Variants in ANKRD30BL observed in about 807,000 individuals in gnomAD.
The protein encoded by ANKRD30BL is putative ankyrin repeat domain-containing protein 30B-like.
ANKRD30BL carries 20 observed loss-of-function variants against 18.4 expected under a neutral mutation model. The ratio of observed to expected loss-of-function variants is 1.09; its 90% CI spans 0.77 to 1.58. The LOEUF (loss-of-function observed/expected upper bound fraction) is 1.58, where lower values mean the gene tolerates loss of function less well. Ranked by LOEUF, ANKRD30BL falls within the 40% of genes most tolerant of loss-of-function variation. ANKRD30BL has a pLI of 0.00. For synonymous variants in ANKRD30BL, 72 were observed against 100.9 expected, an observed-to-expected ratio of 0.71 and a Z score of 1.72; for missense variants, 224 against 268.6, an observed-to-expected ratio of 0.83 and a Z score of 1.16.
intron 1 of ANKRD30BL, among the ~76,000 whole-genome samples, chr2:132,203,745 G>A (rs558134913): frequency 3.2e-4 from 48 of 151,976 alleles, no homozygotes; most frequent in African/African-American, 1.0e-3. Flanking sequence ...AAGGAAAACC[G>A]ATTTTCTTTA....
chr2:132,149,745 C>T (rs1484606010), intron 5 of ANKRD30BL, among the ~76,000 whole-genome samples: 1 of 152,314 alleles, frequency 6.6e-6, no homozygotes, highest in East Asian at 1.9e-4. Flanking sequence ...TTTGCCACTG[C>T]AAGATACTAA....
At chr2:132,191,063 G>A (rs1558925788) in intron 1 of ANKRD30BL, among the ~76,000 whole-genome samples, 1 of 152,096 alleles carries the variant, frequency 6.6e-6, no homozygotes, top group Non-Finnish European at 1.5e-5. Context: ...AGATATTGAA[G>A]CTGTCTATCA....
intron 1 of ANKRD30BL, among the ~76,000 whole-genome samples, chr2:132,180,587 T>TAC (rs1688443612): frequency 6.6e-6 from 1 of 151,966 alleles, no homozygotes; most frequent in Non-Finnish European, 1.5e-5. Flanking sequence ...CACTACAATC[T>TAC]TACCCAGAGA....
At chr2:132,221,006 GC>G (rs1219185360) in intron 1 of ANKRD30BL, among the ~76,000 whole-genome samples, 2 of 142,992 alleles carry the variant, frequency 1.4e-5, no homozygotes, top group Admixed American at 1.4e-4. Context: ...GAGCACCTCT[GC>G]CCCGCCGCCC....
chr2:132,174,473 A>T (rs1348043885), intron 1 of ANKRD30BL, among the ~76,000 whole-genome samples: 2 of 152,304 alleles, frequency 1.3e-5, no homozygotes, highest in Admixed American at 1.3e-4. Flanking sequence ...CAGTAGGGTG[A>T]CATTAATTTC....
intron 1 of ANKRD30BL, among the ~76,000 whole-genome samples, chr2:132,209,162 T>A (rs1021082757): frequency 1.3e-5 from 2 of 151,890 alleles, no homozygotes; most frequent in Non-Finnish European, 2.9e-5. Context: ...GGGCCTATGG[T>A]GGAAAAGGAA....
intron 1 of ANKRD30BL, among the ~76,000 whole-genome samples, chr2:132,242,392 C>A (rs1451276599): frequency 6.6e-6 from 1 of 151,720 alleles, no homozygotes; most frequent in Non-Finnish European, 1.5e-5. Flanking sequence ...TAGACAGAAG[C>A]ATTCTCAGAA....
At chr2:132,248,627 C>A (rs1162872457) in intron 1 of ANKRD30BL, among the ~76,000 whole-genome samples, 1 of 151,892 alleles carries the variant, frequency 6.6e-6, no homozygotes, top group African/African-American at 2.4e-5. Context: ...TCCTTTTTCA[C>A]CACAGACCTC....
At chr2:132,212,153 A>T (rs997172767) in intron 1 of ANKRD30BL, among the ~76,000 whole-genome samples, 9 of 149,338 alleles carry the variant, frequency 6.0e-5, no homozygotes, top group Non-Finnish European at 7.5e-5. Flanking sequence ...AGTGTTGAAC[A>T]TTTTTTTTTT....
At chr2:132,228,585 G>A (rs1209058799) in intron 1 of ANKRD30BL, among the ~76,000 whole-genome samples, 1 of 150,654 alleles carries the variant, frequency 6.6e-6, no homozygotes, top group African/African-American at 2.5e-5. Flanking sequence ...GGCCTATGGT[G>A]GAAAAGTAAA....
chr2:132,212,774 G>A (rs1298618559), intron 1 of ANKRD30BL, among the ~76,000 whole-genome samples: 1 of 151,802 alleles, frequency 6.6e-6, no homozygotes, highest in East Asian at 1.9e-4. Context: ...GACATTTGGA[G>A]CTCTTTGTAG....
chr2:132,223,093 T>C (rs567278121), intron 1 of ANKRD30BL, among the ~76,000 whole-genome samples: 2 of 151,864 alleles, frequency 1.3e-5, no homozygotes, highest in African/African-American at 4.8e-5. Flanking sequence ...GAGGCCTTCG[T>C]TGGAAACGGG....
intron 1 of ANKRD30BL, among the ~76,000 whole-genome samples, chr2:132,183,641 TGAG>T (rs1430375086): frequency 6.6e-6 from 1 of 152,002 alleles, no homozygotes; most frequent in African/African-American, 2.4e-5. Context: ...TGGGAATAAA[TGAG>T]GAGATTCAGG....
At chr2:132,237,279 A>G (rs1390754525) in intron 1 of ANKRD30BL, among the ~76,000 whole-genome samples, 3 of 151,912 alleles carry the variant, frequency 2.0e-5, no homozygotes, top group Non-Finnish European at 4.4e-5. Flanking sequence ...GAATAATAAT[A>G]ATAATAAAAA....
At chr2:132,198,897 C>T (rs1002300289) in intron 1 of ANKRD30BL, among the ~76,000 whole-genome samples, 2 of 152,184 alleles carry the variant, frequency 1.3e-5, no homozygotes, top group African/African-American at 4.8e-5. Context: ...GAATTACAGG[C>T]ATGAGCCACT....
At chr2:132,226,828 A>G (rs75079599) in intron 1 of ANKRD30BL, among the ~76,000 whole-genome samples, 2 of 151,792 alleles carry the variant, frequency 1.3e-5, no homozygotes, top group East Asian at 3.9e-4. Context: ...GTGGACATGT[A>G]AAGCGCTTTG....
intron 1 of ANKRD30BL, among the ~76,000 whole-genome samples, chr2:132,252,651 G>A (rs946390727): frequency 1.3e-5 from 2 of 152,092 alleles, no homozygotes; most frequent in African/African-American, 4.8e-5. Context: ...AGGGGTGGAC[G>A]GCGAACTGCG....
intron 1 of ANKRD30BL, among the ~76,000 whole-genome samples, chr2:132,172,715 T>TTG (rs1688303458): frequency 6.6e-6 from 1 of 151,924 alleles, no homozygotes; most frequent in African/African-American, 2.4e-5. Context: ...GGGTGACTTT[T>TTG]TTTTTTTTTT....
At chr2:132,229,094 G>A (rs1308042171) in intron 1 of ANKRD30BL, among the ~76,000 whole-genome samples, 1 of 151,998 alleles carries the variant, frequency 6.6e-6, no homozygotes, top group African/African-American at 2.4e-5. Flanking sequence ...CAGGCCTATG[G>A]TGAAAAATGA....
Sources: allele counts gnomAD v4.1 joint callset (sites outside exome capture counted in the v4.1 genomes callset), GRCh38; gene constraint gnomAD v4.1.1; transcripts MANE v1.5; gene names NCBI Gene and HGNC (gene_info 2026-07-23, HGNC 2026-07-21).